VAV3: variants seen among roughly 807,000 people sequenced by gnomAD.
VAV3 encodes the protein vav guanine nucleotide exchange factor 3, also known as guanine nucleotide exchange factor VAV3.
Under a neutral mutation model 131.2 loss-of-function variants are expected in VAV3, and 94 were observed. The observed-to-expected ratio is 0.72, with a 90% CI of 0.61 to 0.85. The LOEUF (loss-of-function observed/expected upper bound fraction) is 0.85. VAV3 is among the 40% of genes least tolerant of loss of function. The pLI is 0.00. For synonymous variants in VAV3, 349 were observed against 342.0 expected (o/e 1.02, Z -0.22); for missense variants, 939 against 1,002.7 (o/e 0.94, Z 0.86).
intron 20 of VAV3, among the ~76,000 whole-genome samples, chr1:107,642,105 T>C (rs1237523297): frequency 6.6e-6 from 1 of 152,054 alleles, no homozygotes; most frequent in African/African-American, 2.4e-5. Flanking sequence ...AACTCCATCT[T>C]AAATGGGAGC....
At chr1:107,907,225 T>G (rs187255952) in intron 1 of VAV3, among the ~76,000 whole-genome samples, 1 of 152,206 alleles carries the variant, frequency 6.6e-6, no homozygotes, top group African/African-American at 2.4e-5. Flanking sequence ...ATATACAAAG[T>G]TTTAGTCAAA....
At chr1:107,957,163 A>G (rs1325255186) in intron 1 of VAV3, among the ~76,000 whole-genome samples, 1 of 152,106 alleles carries the variant, frequency 6.6e-6, no homozygotes, top group Non-Finnish European at 1.5e-5. Flanking sequence ...TCTTTATGAC[A>G]CTTCTGTCAC....
At chr1:107,748,000 A>G (rs370960685) in intron 15 of VAV3, among the ~76,000 whole-genome samples, 4 of 152,226 alleles carry the variant, frequency 2.6e-5, no homozygotes, top group African/African-American at 7.2e-5. Context: ...ATAAGCGTAA[A>G]TAGTTTGGCT....
chr1:107,882,343 C>T (rs1370031550), intron 1 of VAV3, among the ~76,000 whole-genome samples: 3 of 152,072 alleles, frequency 2.0e-5, no homozygotes, highest in South Asian at 2.1e-4. Flanking sequence ...ATTGAAAGAT[C>T]GGCCCTGAAT....
chr1:107,918,703 ATAT>A (rs201059174), intron 1 of VAV3, among the ~76,000 whole-genome samples: 38,329 of 118,978 alleles, frequency 0.32, 5,367 homozygotes, highest in Middle Eastern at 0.51. Context: ...ATATATATAT[ATAT>A]TTTTTTTTTT....
intron 1 of VAV3, among the ~76,000 whole-genome samples, chr1:107,915,825 A>T (rs1384549806): frequency 6.6e-6 from 1 of 152,198 alleles, no homozygotes; most frequent in Admixed American, 6.5e-5. Context: ...TGTGCTGTGG[A>T]CTTACTAGGT....
chr1:107,816,832 G>C (rs1667578889), intron 2 of VAV3, among the ~76,000 whole-genome samples: 1 of 152,180 alleles, frequency 6.6e-6, no homozygotes, highest in Admixed American at 6.5e-5. Flanking sequence ...CTAAAACACA[G>C]AGAGGTTCAG....
chr1:107,841,223 T>C (rs908274468), intron 2 of VAV3, among the ~76,000 whole-genome samples: 1 of 152,036 alleles, frequency 6.6e-6, no homozygotes, highest in Non-Finnish European at 1.5e-5. Flanking sequence ...TATGGTAACA[T>C]AGCAGTGAAT....
chr1:107,678,558 T>C (rs921485318), intron 19 of VAV3, among the ~76,000 whole-genome samples: 4 of 152,258 alleles, frequency 2.6e-5, no homozygotes, highest in African/African-American at 9.6e-5. Flanking sequence ...GAAACAAAAA[T>C]ATAAAATTTC....
chr1:107,804,514 CAA>C (rs1039546644), intron 2 of VAV3, among the ~76,000 whole-genome samples: 1 of 152,078 alleles, frequency 6.6e-6, no homozygotes, highest in Non-Finnish European at 1.5e-5. Flanking sequence ...AAAAAAGAAA[CAA>C]GAGAGAACTT....
At chr1:107,695,546 G>A (rs1012114243) in intron 17 of VAV3, among the ~76,000 whole-genome samples, 5 of 152,084 alleles carry the variant, frequency 3.3e-5, no homozygotes, top group Non-Finnish European at 4.4e-5. Context: ...GGAAGTTTGC[G>A]GTAATGACTA....
At chr1:107,896,138 C>T (rs1004214950) in intron 1 of VAV3, among the ~76,000 whole-genome samples, 1 of 152,282 alleles carries the variant, frequency 6.6e-6, no homozygotes, top group African/African-American at 2.4e-5. Flanking sequence ...ATTTAGGCAG[C>T]CAGAGCACTG....
At chr1:107,726,753 T>C (rs750888110) in intron 15 of VAV3, among the ~76,000 whole-genome samples, 4 of 152,216 alleles carry the variant, frequency 2.6e-5, no homozygotes, top group Non-Finnish European at 4.4e-5. Context: ...ATTGATTAAA[T>C]AGATTTTGAT....
At chr1:107,631,614 C>T (rs1654492294) in intron 20 of VAV3, among the ~76,000 whole-genome samples, 1 of 140,258 alleles carries the variant, frequency 7.1e-6, no homozygotes, top group South Asian at 2.6e-4. Flanking sequence ...TCTCCTAATG[C>T]TATCCCTCCC....
At chr1:107,852,714 AGTAT>A (rs1297158862) in intron 2 of VAV3, among the ~76,000 whole-genome samples, 2 of 152,162 alleles carry the variant, frequency 1.3e-5, no homozygotes, top group Non-Finnish European at 2.9e-5. Context: ...TGGTATCTTA[AGTAT>A]GTAAGACTCT....
intron 17 of VAV3, among the ~76,000 whole-genome samples, chr1:107,695,121 CTG>C (rs899735407): frequency 3.4e-4 from 52 of 152,106 alleles, no homozygotes; most frequent in African/African-American, 1.2e-3. Flanking sequence ...GGTTGGAGAA[CTG>C]TGAGTAGTTA....
intron 1 of VAV3, among the ~76,000 whole-genome samples, chr1:107,916,744 A>G (rs146670104): frequency 1.1e-3 from 171 of 152,314 alleles, no homozygotes; most frequent in African/African-American, 4.0e-3. Flanking sequence ...TAACTAGAAC[A>G]AGTGTCTAGA....
chr1:107,900,411 C>T (rs1424363189), intron 1 of VAV3, among the ~76,000 whole-genome samples: 1 of 152,156 alleles, frequency 6.6e-6, no homozygotes, highest in Non-Finnish European at 1.5e-5. Context: ...ACAGTACTTG[C>T]AAATTGTTTT....
intron 24 of VAV3, among the ~76,000 whole-genome samples, chr1:107,597,234 A>T (rs1046478196): frequency 2.6e-5 from 4 of 151,694 alleles, no homozygotes; most frequent in Admixed American, 6.6e-5. Context: ...AATAAAAAAA[A>T]AAAAACAGAA....
Sources: allele counts gnomAD v4.1 joint callset (sites outside exome capture counted in the v4.1 genomes callset), GRCh38; gene constraint gnomAD v4.1.1; transcripts MANE v1.5; gene names NCBI Gene and HGNC (gene_info 2026-07-23, HGNC 2026-07-21).